NF1: variants seen among roughly 807,000 people sequenced by gnomAD.
NF1 encodes neurofibromin.
In NF1, 122 loss-of-function variants were observed where a neutral mutation model predicts 325.7. The observed-to-expected ratio is 0.37, with a 90% CI of 0.32 to 0.44. NF1 has a LOEUF of 0.44. Ranked by LOEUF, NF1 falls within the 20% of genes least tolerant of loss-of-function variation. The pLI, the probability that NF1 is intolerant of heterozygous loss-of-function variation, is 1.00. For synonymous variants in NF1, 1,091 were observed against 1,186.0 expected (o/e 0.92, Z 1.65); for missense variants, 2,140 against 3,415.4 (o/e 0.63, Z 9.31).
chr17:31,305,681 C>T, intron 36 of NF1: 1 of 1,495,154 alleles, frequency 6.7e-7, no homozygotes, highest in Non-Finnish European at 8.9e-7. Context: ...TCATTGGTGT[C>T]TAGTTAAAAA....
Position 31,327,548 on chromosome 17 carries a change from T to C in NF1, c.5318T>C (p.Leu1773Pro), listed in dbSNP as rs1597831917. 6.2e-7 allele frequency: 1 copy of C among 1,614,176 alleles called. No individual in the cohort carries two copies. ...ACTTCAGCAGAGCGAACAAAAGTCC[T>C]AGGGCAATCAGTCTTTCTAAATGAC... Reference protein sequence around the residue: ...QVTSAERTKVLGQSVFLNDIY... With the variant: ...QVTSAERTKVPGQSVFLNDIY... The change falls in exon 38 of 58, where the codon CTA (leucine) becomes CCA (proline). Residue 1773 changes from leucine (L) to proline (P), a missense_variant. Physicochemically the swap from Leu to Pro is moderately conservative, Grantham distance 98 (BLOSUM62 -3). Around this residue, in one of 10 missense-constraint regions of NF1, gnomAD observed 147 missense variants for 186.7 expected, o/e 0.79. Coordinates refer to ENST00000358273, the MANE Select transcript of NF1 (RefSeq NM_001042492.3).
chr17:31,166,589 CTT>C (rs2065848793), intron 4 of NF1, among the ~76,000 whole-genome samples: 1 of 152,118 alleles, frequency 6.6e-6, no homozygotes, highest in South Asian at 2.1e-4. Context: ...ACCCTAAACT[CTT>C]AGAAGGTAAA....
chr17:31,128,852 G>A (rs1915105947), intron 1 of NF1, among the ~76,000 whole-genome samples: 1 of 151,986 alleles, frequency 6.6e-6, no homozygotes, highest in Admixed American at 6.6e-5. Flanking sequence ...AGTAAACCCG[G>A]GAGGCGGAGC....
intron 1 of NF1, among the ~76,000 whole-genome samples, chr17:31,102,391 C>G (rs921011935): frequency 2.0e-5 from 3 of 152,016 alleles, no homozygotes; most frequent in Non-Finnish European, 2.9e-5. Flanking sequence ...GAGTCTTGCT[C>G]TGTCACTCAG....
intron 29 of NF1, among the ~76,000 whole-genome samples, chr17:31,239,444 G>C (rs1342412122): frequency 6.6e-6 from 1 of 151,754 alleles, no homozygotes; most frequent in Non-Finnish European, 1.5e-5. Flanking sequence ...TTTAATAAAA[G>C]CAGTTGCTTA....
intron 5 of NF1, among the ~76,000 whole-genome samples, chr17:31,176,933 T>C (rs779797435): frequency 6.6e-6 from 1 of 152,136 alleles, no homozygotes; most frequent in Non-Finnish European, 1.5e-5. Context: ...TGAAGTCAGG[T>C]AGTGTGATTC....
rs758736448 is a variant in NF1 at position 31,155,969 on chromosome 17, T to C, written c.61-14T>C. On this transcript the variant is annotated splice_polypyrimidine_tract_variant and intron_variant, in intron 1 of 57. Coordinates refer to ENST00000358273, the MANE Select transcript of NF1 (RefSeq NM_001042492.3). ...ATAAGCTGTTAACGTGTTTTTTTTT[T>C]CTTTTTTTTTCAGCTTCCAATAAAA... 4 of 1,610,912 alleles carry C rather than the reference T, an allele frequency of 2.5e-6. No individual in the cohort carries two copies. The highest frequency in any genetic ancestry group is 2.2e-5 in the South Asian group (2 of 90,480).
chr17:31,230,067 G>A (rs1422532828), intron 22 of NF1, 93 bp downstream of exon 22: 20 of 1,528,350 alleles, frequency 1.3e-5, no homozygotes, highest in Middle Eastern at 2.3e-4. Context: ...AAAATAACTG[G>A]CCATTCTTTA....
intron 57 of NF1, among the ~76,000 whole-genome samples, chr17:31,366,444 T>C (rs1482258213): frequency 6.6e-6 from 1 of 152,222 alleles, no homozygotes; most frequent in Non-Finnish European, 1.5e-5. Flanking sequence ...ACCTTCTTCC[T>C]GAGAAGCTGG....
At position 31,285,486 on chromosome 17, in the gene NF1, C is replaced by T. The variant is rs193034164; in HGVS notation, c.4835+20147C>T. ...TACATTCTTGTAGAATGTGGAAAATCTCATACTTGAAATTTTTTGATAAGC... is the reference window on the plus strand; with the variant it reads ...TACATTCTTGTAGAATGTGGAAAATTTCATACTTGAAATTTTTTGATAAGC... On this transcript the variant is annotated intron_variant, in intron 36 of 57. Transcript: ENST00000358273. Among the ~76,000 whole-genome samples the T allele has an allele frequency of 1.1e-4, 17 of 152,182 alleles. No homozygotes were observed. In the East Asian group the frequency reaches 2.9e-3, roughly 26 times the overall value.
In NF1 at chr17:31,163,192, A is replaced by G. The variant is rs2065791967; in HGVS notation, c.295A>G (p.Lys99Glu). 1.2e-6 allele frequency: 2 copies of G among 1,614,084 alleles called. No individual in the cohort carries two copies. Among genetic ancestry groups the G allele is most frequent in the Non-Finnish European group, 8.5e-7 (1 of 1,179,968 alleles). The change falls in exon 4 of 58, where the codon AAG (lysine) becomes GAG (glutamate). Residue 99 changes from lysine (K) to glutamate (E), a missense_variant. Coordinates refer to ENST00000358273, the MANE Select transcript of NF1 (RefSeq NM_001042492.3). ...TLEKCLAGQP[K>E]DTMRLDETML... ...GTGATTATTTCTATTTTAGCAACCAAAGGACACAATGAGATTAGATGAAAC... is the reference window on the plus strand; with the variant it reads ...GTGATTATTTCTATTTTAGCAACCAGAGGACACAATGAGATTAGATGAAAC...
intron 47 of NF1, among the ~76,000 whole-genome samples, chr17:31,342,022 ATTAG>A (rs1038455216): frequency 2.6e-5 from 4 of 152,218 alleles, no homozygotes. Context: ...TCTAAACATT[ATTAG>A]TTCAGTCTAC....
chr17:31,180,152 G>A (rs1203652987), intron 5 of NF1, among the ~76,000 whole-genome samples: 1 of 152,152 alleles, frequency 6.6e-6, no homozygotes, highest in African/African-American at 2.4e-5. Context: ...TGGATTCACA[G>A]CCAGATTCAG....
chr17:31,359,529 G>GATTTCA, intron 56 of NF1: 1 of 166,558 alleles, frequency 6.0e-6, no homozygotes, highest in Non-Finnish European at 1.3e-5. Flanking sequence ...GCGCAATCTT[G>GATTTCA]GCTCACTGCA....
At chr17:31,299,527 T>G (rs192957028) in intron 36 of NF1, 1 of 152,152 alleles carries the variant, frequency 6.6e-6, no homozygotes. Flanking sequence ...TACCCCAACA[T>G]TGTGAAAGGT....
chr17:31,367,428 T>C (rs1597877419), intron 57 of NF1: 1 of 366,380 alleles, frequency 2.7e-6, no homozygotes, highest in East Asian at 8.3e-5. Context: ...CTTTATAAGG[T>C]CTTGGTACTT....
At chr17:31,164,182 A>G (rs1047458587) in intron 4 of NF1, among the ~76,000 whole-genome samples, 9 of 152,368 alleles carry the variant, frequency 5.9e-5, no homozygotes, top group African/African-American at 1.7e-4. Context: ...TAGTTTCACT[A>G]TACCAGATTG....
intron 1 of NF1, among the ~76,000 whole-genome samples, chr17:31,140,630 A>T (rs1916143855): frequency 6.6e-6 from 1 of 152,254 alleles, no homozygotes; most frequent in Admixed American, 6.5e-5. Flanking sequence ...AAATCACTTC[A>T]TAAAGGTGTC....
rs573072752 is a variant in NF1 at position 31,216,073 on chromosome 17, A to G, written c.1527+1488A>G. Among the ~76,000 whole-genome samples, 14 of 152,348 alleles carry G rather than the reference A, an allele frequency of 9.2e-5. No individual in the cohort carries two copies. The South Asian group carries it at 2.7e-3, about 29-fold the overall frequency. The stretch of plus-strand genomic sequence containing the variant: ...CAGATCTTTGGCATGAAAAAATTCC[A>G]TAAAACCTGTCAGTGAAACTCTATA... On this transcript the variant is annotated intron_variant, in intron 13 of 57. Transcript: ENST00000358273.
Sources: allele counts gnomAD v4.1 joint callset (sites outside exome capture counted in the v4.1 genomes callset), GRCh38; gene constraint gnomAD v4.1.1; regional missense constraint gnomAD v4.1.1; transcripts MANE v1.5; gene names NCBI Gene and HGNC (gene_info 2026-07-23, HGNC 2026-07-21).